Variants in PARD3B observed in about 807,000 individuals in gnomAD.
The protein encoded by PARD3B is par-3 family cell polarity regulator beta.
Under a neutral mutation model 130.2 loss-of-function variants are expected in PARD3B, and 103 were observed. That is an observed-to-expected ratio of 0.79 (90% confidence interval 0.67 to 0.93). The LOEUF (loss-of-function observed/expected upper bound fraction) is 0.93. Among genes scored for constraint, PARD3B ranks in the 40% least tolerant of loss-of-function variants. PARD3B has a pLI of 0.00. For missense variants in PARD3B, 1,609 were observed against 1,499.2 expected (o/e 1.07, Z -1.21); for synonymous variants, 583 against 553.2 (o/e 1.05, Z -0.76).
intron 2 of PARD3B, among the ~76,000 whole-genome samples, chr2:204,760,658 C>G (rs2040860968): frequency 6.6e-6 from 1 of 151,952 alleles, no homozygotes; most frequent in African/African-American, 2.4e-5. Context: ...AAATACCTTG[C>G]CAATTTTTGA....
In PARD3B at chr2:204,850,325, GAGA is replaced by G. The variant is rs566542938; in HGVS notation, c.223-114821_223-114819del. Among the ~76,000 whole-genome samples, 637 of 152,194 alleles carry G rather than the reference GAGA, an allele frequency of 4.2e-3. 5 individuals carry two copies. The highest frequency in any genetic ancestry group is 0.014 in the African/African-American group (595 of 41,522). Reference sequence around the variant, plus strand: ...CATAATTGAATTCATTCTTCCAAAAGAGAAGAAGTAATTGAAACCACTGGGTTG... The same window carrying G: ...CATAATTGAATTCATTCTTCCAAAAGAGAAGTAATTGAAACCACTGGGTTG... On this transcript the variant is annotated intron_variant, in intron 2 of 22. Coordinates refer to ENST00000406610, the MANE Select transcript of PARD3B (RefSeq NM_001302769.2).
intron 22 of PARD3B, among the ~76,000 whole-genome samples, chr2:205,586,670 A>T (rs2054207710): frequency 6.6e-6 from 1 of 152,086 alleles, no homozygotes; most frequent in Non-Finnish European, 1.5e-5. Context: ...TGGCATAAGG[A>T]TAAAATTATT....
At chr2:205,381,156 A>T (rs2045421364) in intron 18 of PARD3B, among the ~76,000 whole-genome samples, 1 of 118,926 alleles carries the variant, frequency 8.4e-6, no homozygotes, top group African/African-American at 3.2e-5. Flanking sequence ...TATATATAAT[A>T]TATATAAAGA....
At chr2:204,875,126 T>G (rs1467305368) in intron 2 of PARD3B, among the ~76,000 whole-genome samples, 1 of 152,112 alleles carries the variant, frequency 6.6e-6, no homozygotes, top group African/African-American at 2.4e-5. Flanking sequence ...ACCAAGAAGT[T>G]TTCCCATTTT....
chr2:205,212,156 A>G (rs550265531), intron 15 of PARD3B, among the ~76,000 whole-genome samples: 63 of 151,820 alleles, frequency 4.1e-4, no homozygotes, highest in Non-Finnish European at 7.9e-4. Context: ...TCAAAGATTG[A>G]AGAATATATT....
chr2:204,883,416 TA>T lies in PARD3B; in HGVS notation c.223-81734del, dbSNP rs1443938680. Reference sequence around the variant, plus strand: ...TATGTATATATATATTATATATATATAATATATATATATATAAAATATATAT... The same window carrying T: ...TATGTATATATATATTATATATATATATATATATATATATAAAATATATAT... On this transcript the variant is annotated intron_variant, in intron 2 of 22. Transcript: ENST00000406610. 2.4e-3 allele frequency among the ~76,000 whole-genome samples: 271 copies of T among 114,836 alleles called. 6 individuals are homozygous for T. The highest frequency in any genetic ancestry group is 9.3e-3 in the Middle Eastern group (2 of 216). 75.3% of individuals were successfully genotyped at this position (114,836 alleles called of 152,430 possible). A position where few individuals can be genotyped will look rare whatever the true frequency, so the allele number is the denominator to read the frequency against.
chr2:204,897,940 G>T lies in PARD3B; in HGVS notation c.223-67212G>T, dbSNP rs1010875464. Among the ~76,000 whole-genome samples the T allele has an allele frequency of 2.0e-5, 3 of 151,368 alleles. No homozygotes were observed. In the East Asian group the frequency reaches 5.8e-4, roughly 29 times the overall value. ...TTGAGTCAACAAACAGAAGGTTTCT[G>T]TAGTTAATAAAGGACTAAATGAAAA... On this transcript the variant is annotated intron_variant, in intron 2 of 22. Transcript: ENST00000406610.
At chr2:204,548,612 G>T (rs1377729334) in intron 1 of PARD3B, among the ~76,000 whole-genome samples, 1 of 152,140 alleles carries the variant, frequency 6.6e-6, no homozygotes, top group Admixed American at 6.5e-5. Flanking sequence ...GTTTTTTAAT[G>T]CTTGATTTAA....
intron 4 of PARD3B, among the ~76,000 whole-genome samples, chr2:205,103,381 T>G (rs1238356037): frequency 5.4e-5 from 8 of 147,322 alleles, no homozygotes; most frequent in African/African-American, 2.0e-4. Context: ...GTAAAATAAA[T>G]ATTTATATAA....
intron 22 of PARD3B, among the ~76,000 whole-genome samples, chr2:205,579,379 C>A (rs2053881332): frequency 6.6e-6 from 1 of 152,134 alleles, no homozygotes; most frequent in African/African-American, 2.4e-5. Context: ...CCCAGAGGTA[C>A]CTTTCCAGTA....
intron 22 of PARD3B, among the ~76,000 whole-genome samples, chr2:205,569,749 G>A (rs1258830240): frequency 6.6e-6 from 1 of 152,128 alleles, no homozygotes; most frequent in Non-Finnish European, 1.5e-5. Flanking sequence ...CTGTGTTCTT[G>A]GAATGTGATA....
chr2:205,544,716 A>AT (rs536094210), intron 21 of PARD3B, among the ~76,000 whole-genome samples: 26 of 152,234 alleles, frequency 1.7e-4, no homozygotes, highest in Non-Finnish European at 3.7e-4. Context: ...TAAATACTTT[A>AT]TAATTTCATA....
intron 1 of PARD3B, among the ~76,000 whole-genome samples, chr2:204,585,813 A>G (rs1199209199): frequency 1.3e-5 from 2 of 152,280 alleles, no homozygotes; most frequent in Admixed American, 6.6e-5. Flanking sequence ...CTTAAAATAT[A>G]TATAGTTTTA....
chr2:205,030,930 G>T (rs1285098788), intron 3 of PARD3B, among the ~76,000 whole-genome samples: 1 of 152,136 alleles, frequency 6.6e-6, no homozygotes, highest in African/African-American at 2.4e-5. Flanking sequence ...CATTTGCTCA[G>T]TAATGTCTTT....
At chr2:204,961,018 C>G (rs965262471) in intron 2 of PARD3B, among the ~76,000 whole-genome samples, 1 of 152,100 alleles carries the variant, frequency 6.6e-6, no homozygotes. Context: ...GAGGCAGGTA[C>G]AAAGACAATA....
intron 20 of PARD3B, among the ~76,000 whole-genome samples, chr2:205,471,193 G>T (rs554236225): frequency 6.6e-6 from 1 of 152,004 alleles, no homozygotes; most frequent in African/African-American, 2.4e-5. Context: ...AGATCCATAG[G>T]TAGACACATG....
intron 18 of PARD3B, among the ~76,000 whole-genome samples, chr2:205,313,874 C>A (rs2042472718): frequency 6.6e-6 from 1 of 152,138 alleles, no homozygotes; most frequent in Non-Finnish European, 1.5e-5. Flanking sequence ...AATAAATAAA[C>A]TTCATTAGCA....
chr2:205,214,960 A>G (rs1018305428), intron 15 of PARD3B, among the ~76,000 whole-genome samples: 2 of 152,120 alleles, frequency 1.3e-5, no homozygotes, highest in Non-Finnish European at 2.9e-5. Flanking sequence ...GAATTTCTAA[A>G]GGCGGCTCAG....
At chr2:204,818,780 G>T (rs1426408427) in intron 2 of PARD3B, among the ~76,000 whole-genome samples, 1 of 152,108 alleles carries the variant, frequency 6.6e-6, no homozygotes, top group Admixed American at 6.6e-5. Flanking sequence ...TAAAGAAAAA[G>T]GAACTTTTTA....
Sources: allele counts gnomAD v4.1 joint callset (sites outside exome capture counted in the v4.1 genomes callset), GRCh38; gene constraint gnomAD v4.1.1; transcripts MANE v1.5; gene names NCBI Gene and HGNC (gene_info 2026-07-23, HGNC 2026-07-21).